NCBP3: variants seen among roughly 807,000 people sequenced by gnomAD.
The protein encoded by NCBP3 is nuclear cap binding subunit 3, also known as nuclear cap-binding protein subunit 3.
NCBP3 carries 20 observed loss-of-function variants against 75.7 expected under a neutral mutation model. The observed-to-expected ratio is 0.26, with a 90% CI of 0.19 to 0.38. NCBP3 has a LOEUF of 0.38. Ranked by LOEUF, NCBP3 falls within the 10% of genes least tolerant of loss-of-function variation. The pLI is 1.00. For synonymous variants in NCBP3, 293 were observed against 290.5 expected (o/e 1.01, Z -0.09); for missense variants, 678 against 796.9 (o/e 0.85, Z 1.80).
rs993318750 is a variant in NCBP3, at chr17:3,840,479, T to G, written c.250-274A>C. Among the ~76,000 whole-genome samples the G allele has an allele frequency of 4.6e-5, 7 of 152,354 alleles. No individual in the cohort carries two copies. In the East Asian group the frequency reaches 5.8e-4, roughly 13 times the overall value. Reference sequence around the variant, plus strand: ...ACTCAGTGAGTATCTGCTGACTGAATGAATAGTCCTTTAAAGTTTATAAAG... The same window carrying G: ...ACTCAGTGAGTATCTGCTGACTGAAGGAATAGTCCTTTAAAGTTTATAAAG... On this transcript the variant is annotated intron_variant, in intron 2 of 12. Transcript: ENST00000389005.
rs2053297876 is a variant in NCBP3 at position 3,803,402 on chromosome 17, A to G, written c.*9642T>C. 6.6e-6 allele frequency: 1 copy of G among 152,248 alleles called. No homozygotes were observed. Among genetic ancestry groups the G allele is most frequent in the South Asian group, 2.1e-4 (1 of 4,830 alleles). 9.4% of individuals were successfully genotyped at this position (152,248 alleles called of 1,614,324 possible). A position where few individuals can be genotyped will look rare whatever the true frequency, so the allele number is the denominator to read the frequency against. ...AAAATCATTATTGGGACAGTTGGCAAATTTGAAACAGGAACTACAAATTAG... is the reference window on the plus strand; with the variant it reads ...AAAATCATTATTGGGACAGTTGGCAGATTTGAAACAGGAACTACAAATTAG... On this transcript the variant is annotated 3_prime_UTR_variant, in exon 13 of 13. Transcript: ENST00000389005.
chr17:3,844,909 G>A (rs1247300492), intron 1 of NCBP3, among the ~76,000 whole-genome samples: 1 of 152,212 alleles, frequency 6.6e-6, no homozygotes. Flanking sequence ...GTTCCAGCCT[G>A]GGCAACAAGA....
chr17:3,846,205 G>C lies in NCBP3; in HGVS notation c.19C>G (p.Leu7Val), dbSNP rs915465492. 1.4e-6 allele frequency: 2 copies of C among 1,454,742 alleles called. No homozygotes were observed. Among genetic ancestry groups the C allele is most frequent in the South Asian group, 1.4e-5 (1 of 72,060 alleles). 90.1% of individuals were successfully genotyped at this position (1,454,742 alleles called of 1,614,324 possible). A position where few individuals can be genotyped will look rare whatever the true frequency, so the allele number is the denominator to read the frequency against. The change falls in exon 1 of 13, where the codon CTG (leucine) becomes GTG (valine). Residue 7 changes from leucine to valine, a missense_variant. Transcript: ENST00000389005. The surrounding 1 kb of genome is among the most constrained non-coding windows in gnomAD (Gnocchi z 4.6). ...GCCTCCGCCTTCACCGACACCCGCAGGCCCCGTACGGCCGCCATCGCTGCC... is the reference window on the plus strand; with the variant it reads ...GCCTCCGCCTTCACCGACACCCGCACGCCCCGTACGGCCGCCATCGCTGCC... MAAVRG[L>V]RVSVKAEAPA...
At position 3,811,083 on chromosome 17, in the gene NCBP3, T is replaced by A; in HGVS notation, c.*1961A>T. Reference sequence around the variant, plus strand: ...TTGTCTCCCTGGCGCCTCCTCCACCTGCAGTAGAAATTCATGCTGGCGAGC... The same window carrying A: ...TTGTCTCCCTGGCGCCTCCTCCACCAGCAGTAGAAATTCATGCTGGCGAGC... On this transcript the variant is annotated 3_prime_UTR_variant, in exon 13 of 13. Coordinates refer to ENST00000389005, the MANE Select transcript of NCBP3 (RefSeq NM_001114118.3). 6.6e-6 allele frequency: 1 copy of A among 152,328 alleles called. No homozygotes were observed. The highest frequency in any genetic ancestry group is 1.5e-5 in the Non-Finnish European group (1 of 68,134). The allele number at this position is 152,328 out of a possible 1,614,324, so 9.4% of individuals were successfully genotyped here.
rs2053284476 is a variant in NCBP3 at position 3,802,695 on chromosome 17, T to G, written c.*10349A>C. ...TGCGCTCCAAGGGCACTGGGGAGAG[T>G]CACAGTGGTCTCCTCTCCCCCGCAT... On this transcript the variant is annotated 3_prime_UTR_variant, in exon 13 of 13. Transcript: ENST00000389005. 1.3e-5 allele frequency: 2 copies of G among 151,948 alleles called. No homozygotes were observed. The highest frequency in any genetic ancestry group is 4.2e-4 in the South Asian group (2 of 4,818). The allele number at this position is 151,948 out of a possible 1,614,324, so 9.4% of individuals were successfully genotyped here. A position where few individuals can be genotyped will look rare whatever the true frequency, so the allele number is the denominator to read the frequency against.
In NCBP3 at chr17:3,844,871, T is replaced by C. The variant is rs1300052407; in HGVS notation, c.183+1170A>G. Among the ~76,000 whole-genome samples the C allele has an allele frequency of 2.6e-5, 4 of 152,132 alleles. No homozygotes were observed. In the South Asian group the frequency reaches 8.3e-4, roughly 32 times the overall value. On this transcript the variant is annotated intron_variant, in intron 1 of 12. Coordinates refer to ENST00000389005, the MANE Select transcript of NCBP3 (RefSeq NM_001114118.3). ...ATGGCTTGAACCCGGGAGGCGGAAGTTGCGGTGAGCCGAGATCGCGCCATT... is the reference window on the plus strand; with the variant it reads ...ATGGCTTGAACCCGGGAGGCGGAAGCTGCGGTGAGCCGAGATCGCGCCATT...
intron 2 of NCBP3, among the ~76,000 whole-genome samples, chr17:3,841,602 CTTTTTTT>C (rs373561293): frequency 8.5e-6 from 1 of 118,050 alleles, no homozygotes; most frequent in Admixed American, 9.0e-5. Flanking sequence ...AATTCTCTCT[CTTTTTTT>C]TTTTTTTTTT....
chr17:3,806,862 A>C lies in NCBP3; in HGVS notation c.*6182T>G, dbSNP rs954392936. On this transcript the variant is annotated 3_prime_UTR_variant, in exon 13 of 13. Transcript: ENST00000389005. Reference sequence around the variant, plus strand: ...CACAGTGTGCGATTCTCAGTATCAAAAGCATTCTCTTCTTTCAGTTCGTAA... The same window carrying C: ...CACAGTGTGCGATTCTCAGTATCAACAGCATTCTCTTCTTTCAGTTCGTAA... 6.6e-6 allele frequency: 1 copy of C among 152,238 alleles called. No individual in the cohort carries two copies. Among genetic ancestry groups the C allele is most frequent in the Non-Finnish European group, 1.5e-5 (1 of 68,048 alleles). 9.4% of individuals were successfully genotyped at this position (152,238 alleles called of 1,614,324 possible). A position where few individuals can be genotyped will look rare whatever the true frequency, so the allele number is the denominator to read the frequency against.
chr17:3,820,695 G>A (rs1567584719), intron 9 of NCBP3, among the ~76,000 whole-genome samples: 1 of 152,230 alleles, frequency 6.6e-6, no homozygotes, highest in Non-Finnish European at 1.5e-5. Context: ...CACTCTGGGA[G>A]GCCAAAGTGG....
At chr17:3,841,095 G>C (rs1457472192) in intron 2 of NCBP3, among the ~76,000 whole-genome samples, 1 of 152,140 alleles carries the variant, frequency 6.6e-6, no homozygotes, top group Non-Finnish European at 1.5e-5. Flanking sequence ...TCCTGCCTTA[G>C]CCTCCTGAGT....
chr17:3,840,319 C>T, intron 2 of NCBP3, 114 bp from the exon 3 acceptor site: 1 of 780,494 alleles, frequency 1.3e-6, no homozygotes. Flanking sequence ...AAATAAGCAA[C>T]ACTACACCTT....
chr17:3,844,344 C>G (rs2054120273), intron 1 of NCBP3, among the ~76,000 whole-genome samples: 2 of 152,192 alleles, frequency 1.3e-5, no homozygotes, highest in Non-Finnish European at 2.9e-5. Context: ...TCTTTTACTG[C>G]CCTTCCATTA....
chr17:3,817,474 A>C (rs1382984353), intron 10 of NCBP3, among the ~76,000 whole-genome samples: 1 of 152,048 alleles, frequency 6.6e-6, no homozygotes, highest in African/African-American at 2.4e-5. Flanking sequence ...CTAAAATTAC[A>C]AAAAATTAGC....
rs893603400 is a variant in NCBP3 at position 3,806,965 on chromosome 17, T to G, written c.*6079A>C. On this transcript the variant is annotated 3_prime_UTR_variant, in exon 13 of 13. Transcript: ENST00000389005. ...CAATTACTGTACTTATGTATCGAAC[T>G]TATTTGTGTAGCAACTAATTCATCT... The G allele has an allele frequency of 1.3e-5, 2 of 152,256 alleles. No homozygotes were observed. Among genetic ancestry groups the G allele is most frequent in the African/African-American group, 4.8e-5 (2 of 41,466 alleles). 9.4% of individuals were successfully genotyped at this position (152,256 alleles called of 1,614,324 possible).
At chr17:3,828,338 T>G (rs1466203516) in intron 4 of NCBP3, among the ~76,000 whole-genome samples, 1 of 152,212 alleles carries the variant, frequency 6.6e-6, no homozygotes, top group East Asian at 1.9e-4. Context: ...CAGAGACCGT[T>G]AAGCCTACAA....
chr17:3,827,807 C>T (rs974733546), intron 4 of NCBP3, among the ~76,000 whole-genome samples: 5 of 152,134 alleles, frequency 3.3e-5, no homozygotes, highest in South Asian at 2.1e-4. Context: ...AAACTATAAC[C>T]CTCAAGCAAA....
At chr17:3,825,267 C>G (rs2053763148) in intron 6 of NCBP3, among the ~76,000 whole-genome samples, 1 of 152,206 alleles carries the variant, frequency 6.6e-6, no homozygotes, top group Non-Finnish European at 1.5e-5. Flanking sequence ...TTTCACAACA[C>G]TCATTGCCAC....
In NCBP3 at chr17:3,811,638, C is replaced by A; in HGVS notation, c.*1406G>T. 6.6e-6 allele frequency: 1 copy of A among 152,196 alleles called. No homozygotes were observed. Among genetic ancestry groups the A allele is most frequent in the East Asian group, 1.9e-4 (1 of 5,194 alleles). 9.4% of individuals were successfully genotyped at this position (152,196 alleles called of 1,614,324 possible). On this transcript the variant is annotated 3_prime_UTR_variant, in exon 13 of 13. Transcript: ENST00000389005. ...ATCAATGTGACCATTAGCTCCGCCA[C>A]AAGTAAAGATCGACAGGATCCAGGC...
rs2053839296 is a variant in NCBP3, at chr17:3,829,345, T to C, written c.379A>G (p.Thr127Ala). The C allele has an allele frequency of 1.9e-6, 3 of 1,551,786 alleles. No individual in the cohort carries two copies. In the African/African-American group the frequency reaches 4.1e-5, roughly 21 times the overall value. ...KKAIPKVRLE[T>A]IYICGVDEMS... Reference sequence around the variant, plus strand: ...TCATCTACTCCGCAAATATAGATTGTCTCCAGTCTCACCTTGGGGATTGCT... The same window carrying C: ...TCATCTACTCCGCAAATATAGATTGCCTCCAGTCTCACCTTGGGGATTGCT... Residue 127 changes from threonine to alanine, a missense_variant, in exon 4 of 13, where the codon ACA becomes GCA. By Grantham distance (58) the Thr-to-Ala change is moderately conservative. Coordinates refer to ENST00000389005, the MANE Select transcript of NCBP3 (RefSeq NM_001114118.3).
Sources: allele counts gnomAD v4.1 joint callset (sites outside exome capture counted in the v4.1 genomes callset), GRCh38; gene constraint gnomAD v4.1.1; non-coding constraint Gnocchi (gnomAD v3.1); transcripts MANE v1.5; gene names NCBI Gene and HGNC (gene_info 2026-07-23, HGNC 2026-07-21).